The following ARMCX4 variants were observed in gnomAD, a reference collection of about 807,000 sequenced individuals.
ARMCX4 encodes the protein armadillo repeat containing X-linked 4.
A neutral mutation model predicts 34.7 loss-of-function variants in ARMCX4; 3 were observed. The ratio of observed to expected loss-of-function variants is 0.09; its 90% confidence interval spans 0.04 to 0.22. The LOEUF (loss-of-function observed/expected upper bound fraction) is 0.22, where lower values mean the gene tolerates loss of function less well. Among genes scored for constraint, ARMCX4 ranks in the 10% least tolerant of loss-of-function variants. The pLI is 1.00. For missense variants in ARMCX4, 1,448 were observed against 1,720.8 expected, an observed-to-expected ratio of 0.84 and a Z score of 2.81; for synonymous variants, 513 against 632.8, an observed-to-expected ratio of 0.81 and a Z score of 2.84.
chrX:101,491,179 A>G lies in ARMCX4; in HGVS notation c.2590A>G (p.Thr864Ala). The G allele has an allele frequency of 6.1e-6, 7 of 1,155,798 alleles. No homozygotes were observed. The highest frequency in any genetic ancestry group is 8.0e-6 in the Non-Finnish European group (7 of 872,915). Reference protein sequence around the residue: ...VVSKAGAREDTVGSTQPQVLA... With the variant: ...VVSKAGAREDAVGSTQPQVLA... ...GTCTAAGGCAGGGGCCAGAGAAGATACAGTGGGCTCTACCCAGCCTCAGGT... is the reference window on the plus strand; with the variant it reads ...GTCTAAGGCAGGGGCCAGAGAAGATGCAGTGGGCTCTACCCAGCCTCAGGT... The change falls in exon 6 of 6, where the codon ACA becomes GCA. Residue 864 changes from threonine to alanine, a missense_variant. Thr to Ala is a moderately conservative substitution (Grantham distance 58). This residue lies in a region of ARMCX4 where 1,343 missense variants were observed against 1,540.7 expected (regional missense o/e 0.87). Coordinates refer to ENST00000423738, the MANE Select transcript of ARMCX4 (RefSeq NM_001256155.3).
At chrX:101,533,666 C>T (rs1266600147), downstream of ARMCX4, among the ~76,000 whole-genome samples, 1 of 111,851 alleles carries the variant, frequency 8.9e-6, no homozygotes, top group Admixed American at 9.6e-5. Context: ...GGATGCAACT[C>T]ACTGAAGTAA....
intron 2 of ARMCX4, among the ~76,000 whole-genome samples, chrX:101,436,723 A>G (rs781862450): frequency 1.4e-3 from 160 of 111,650 alleles, no homozygotes; most frequent in Non-Finnish European, 2.5e-3. Context: ...GTCTTGTGCC[A>G]GTTTTCAAAG....
chrX:101,482,756 A>G (rs188485404), upstream of ARMCX4, among the ~76,000 whole-genome samples: 1 of 111,143 alleles, frequency 9.0e-6, no homozygotes, highest in East Asian at 2.8e-4. Flanking sequence ...TGTAAAGTAA[A>G]CAGCAAATAT....
chrX:101,456,955 T>G (rs1217365631), intron 4 of ARMCX4, among the ~76,000 whole-genome samples: 2 of 111,473 alleles, frequency 1.8e-5, no homozygotes, highest in Non-Finnish European at 3.8e-5. Flanking sequence ...TTTATTTTAC[T>G]TTGAGGTGGG....
chrX:101,423,715 G>A (rs192666951), intron 2 of ARMCX4, among the ~76,000 whole-genome samples: 336 of 111,504 alleles, frequency 3.0e-3, no homozygotes, highest in African/African-American at 9.3e-3. Context: ...GGACGGGGGC[G>A]CTGGTCAAGG....
intron 11 of ARMCX4, among the ~76,000 whole-genome samples, chrX:101,525,993 A>T (rs1250786826): frequency 9.0e-6 from 1 of 111,169 alleles, no homozygotes; most frequent in Non-Finnish European, 1.9e-5. Flanking sequence ...CACCACAAAG[A>T]TACTCCTCAA....
At chrX:101,515,451 CT>C (rs1556017611) in intron 11 of ARMCX4, among the ~76,000 whole-genome samples, 50 of 56,013 alleles carry the variant, frequency 8.9e-4, no homozygotes, top group Middle Eastern at 0.011. Flanking sequence ...TCCTTCCTTC[CT>C]TCCTTCCTTC....
At chrX:101,529,918 C>T (rs1166769710) in intron 11 of ARMCX4, among the ~76,000 whole-genome samples, 1 of 111,764 alleles carries the variant, frequency 8.9e-6, no homozygotes, top group Non-Finnish European at 1.9e-5. Context: ...TTGTGGAAGA[C>T]AGTGTGGCGG....
chrX:101,516,259 C>G (rs1205545717), intron 11 of ARMCX4, among the ~76,000 whole-genome samples: 1 of 111,266 alleles, frequency 9.0e-6, no homozygotes, highest in Non-Finnish European at 1.9e-5. Context: ...GTCATCAGAG[C>G]AGAAAATGAA....
At chrX:101,514,991 C>T (rs1174095302) in intron 11 of ARMCX4, among the ~76,000 whole-genome samples, 2 of 111,963 alleles carry the variant, frequency 1.8e-5, no homozygotes, top group Non-Finnish European at 3.8e-5. Context: ...CTCACTTTAA[C>T]ATCAGACACC....
rs1036502592 is a variant in ARMCX4, at chrX:101,521,862, G to A, written c.*1781-9782G>A. Among the ~76,000 whole-genome samples the A allele has an allele frequency of 3.6e-5, 4 of 111,645 alleles. No individual in the cohort carries two copies. In the South Asian group the frequency reaches 1.5e-3, roughly 42 times the overall value. On this transcript the variant is annotated intron_variant and NMD_transcript_variant, in intron 11 of 12. Coordinates refer to the ARMCX4 transcript ENST00000354842. ...GATTCTTAATTTCATTATGGTCAAA[G>A]AACATTCTTCATATGATTTCAATCC...
chrX:101,434,005 G>A (rs1035570617), intron 2 of ARMCX4, among the ~76,000 whole-genome samples: 3 of 108,403 alleles, frequency 2.8e-5, no homozygotes, highest in Non-Finnish European at 5.7e-5. Flanking sequence ...GAGTGCAATG[G>A]CTTGATCTTG....
At chrX:101,488,164 G>A in intron 5 of ARMCX4, 65 bp downstream of exon 5, 1 of 438,498 alleles carries the variant, frequency 2.3e-6, no homozygotes, top group Non-Finnish European at 3.5e-6. Context: ...ATCAAAGTCT[G>A]GGACTTCTTG....
chrX:101,496,471 C>A (rs1195388530), downstream of ARMCX4, among the ~76,000 whole-genome samples: 1 of 110,890 alleles, frequency 9.0e-6, no homozygotes, highest in Non-Finnish European at 1.9e-5. Context: ...GCCCTTTGAA[C>A]CAATAAGTGC....
At chrX:101,428,339 A>T in intron 2 of ARMCX4, among the ~76,000 whole-genome samples, 1 of 112,452 alleles carries the variant, frequency 8.9e-6, no homozygotes, top group Non-Finnish European at 1.9e-5. Flanking sequence ...AAATTAATAT[A>T]CATTTTCAGT....
chrX:101,447,751 G>A (rs1326099070), downstream of ARMCX4: 2 of 110,944 alleles, frequency 1.8e-5, no homozygotes, highest in Non-Finnish European at 1.9e-5. Context: ...TACATGAGAT[G>A]TTTTGATACA....
intron 2 of ARMCX4, among the ~76,000 whole-genome samples, chrX:101,435,930 G>C (rs1254850759): frequency 1.8e-5 from 2 of 111,296 alleles, no homozygotes; most frequent in Admixed American, 9.6e-5. Context: ...TTTTTGTCAG[G>C]TTTGTCAAAG....
intron 2 of ARMCX4, among the ~76,000 whole-genome samples, chrX:101,427,958 C>T (rs1603078211): frequency 8.9e-6 from 1 of 112,020 alleles, no homozygotes; most frequent in African/African-American, 3.2e-5. Context: ...GATCAAATTT[C>T]AACATGAGTT....
intron 2 of ARMCX4, chrX:101,444,019 AG>A (rs1417870577): frequency 8.0e-6 from 3 of 377,183 alleles, no homozygotes; most frequent in African/African-American, 5.1e-5. Context: ...CTGTGAAAGC[AG>A]GAACCCTTAT....
Sources: allele counts gnomAD v4.1 joint callset (sites outside exome capture counted in the v4.1 genomes callset), GRCh38; gene constraint gnomAD v4.1.1; regional missense constraint gnomAD v4.1.1; transcripts MANE v1.5; gene names NCBI Gene and HGNC (gene_info 2026-07-23, HGNC 2026-07-21).